The following AMOTL1 variants were observed in gnomAD, a reference collection of about 807,000 sequenced individuals.
The protein encoded by AMOTL1 is angiomotin like 1, also known as angiomotin-like protein 1.
AMOTL1 carries 45 observed loss-of-function variants against 102.9 expected under a neutral mutation model. The observed-to-expected ratio is 0.44, with a 90% CI of 0.34 to 0.56. The LOEUF (loss-of-function observed/expected upper bound fraction) is 0.56. AMOTL1 is among the 20% of genes least tolerant of loss of function. The pLI is 0.01. For missense variants in AMOTL1, 1,114 were observed against 1,225.6 expected, an observed-to-expected ratio of 0.91 and a Z score of 1.36; for synonymous variants, 481 against 484.7, an observed-to-expected ratio of 0.99 and a Z score of 0.10.
intron 5 of AMOTL1, 120 bp downstream of exon 5, chr11:94,830,314 T>C (rs1411561395): frequency 7.4e-5 from 70 of 941,020 alleles, no homozygotes; most frequent in Non-Finnish European, 9.6e-5. Context: ...TTGGATAATC[T>C]TGTGTATTTC....
At chr11:94,806,235 A>G (rs1565360186) in intron 3 of AMOTL1, among the ~76,000 whole-genome samples, 1 of 152,368 alleles carries the variant, frequency 6.6e-6, no homozygotes, top group South Asian at 2.1e-4. Context: ...CAGTCTAAAC[A>G]TGAACAAGCA....
intron 1 of AMOTL1, among the ~76,000 whole-genome samples, chr11:94,793,261 G>A (rs558987832): frequency 1.0e-3 from 159 of 152,252 alleles, no homozygotes; most frequent in Non-Finnish European, 1.6e-3. Flanking sequence ...AAGCATATGG[G>A]CTCTCAACTC....
chr11:94,825,941 C>G (rs188632918), intron 4 of AMOTL1, among the ~76,000 whole-genome samples: 1 of 152,308 alleles, frequency 6.6e-6, no homozygotes, highest in African/African-American at 2.4e-5. Context: ...AATGGGTATA[C>G]TACACTTCTG....
intron 3 of AMOTL1, among the ~76,000 whole-genome samples, chr11:94,803,837 T>TA (rs921819615): frequency 6.6e-6 from 1 of 152,218 alleles, no homozygotes; most frequent in African/African-American, 2.4e-5. Flanking sequence ...CTAGAGATGC[T>TA]AAAAAAATTA....
At chr11:94,811,797 G>A (rs747258118) in intron 3 of AMOTL1, among the ~76,000 whole-genome samples, 2 of 152,190 alleles carry the variant, frequency 1.3e-5, no homozygotes, top group African/African-American at 4.8e-5. Flanking sequence ...CCAGCTGGTT[G>A]TTAAGTTTAG....
At chr11:94,727,651 C>A (rs1486533050) in intron 1 of AMOTL1, among the ~76,000 whole-genome samples, 1 of 152,174 alleles carries the variant, frequency 6.6e-6, no homozygotes, top group Admixed American at 6.5e-5. Flanking sequence ...TGCCCAAAGT[C>A]ATCCAGTTAG....
In AMOTL1 at chr11:94,870,839, G is replaced by A; in HGVS notation, c.*44G>A. 6.7e-7 allele frequency: 1 copy of A among 1,485,928 alleles called. No individual in the cohort carries two copies. The highest frequency in any genetic ancestry group is 9.1e-7 in the Non-Finnish European group (1 of 1,095,220). 92.0% of individuals were successfully genotyped at this position (1,485,928 alleles called of 1,614,324 possible). On this transcript the variant is annotated 3_prime_UTR_variant, in exon 13 of 13. Coordinates refer to ENST00000433060, the MANE Select transcript of AMOTL1 (RefSeq NM_130847.3). ...TTCAGTACAGAACACTGACAAACAA[G>A]GAAAGCGGCAGAGAAAGAAGAAAGA... is the stretch of plus-strand genomic sequence containing the variant.
chr11:94,739,078 C>T (rs975549154), intron 2 of AMOTL1, among the ~76,000 whole-genome samples: 2 of 152,106 alleles, frequency 1.3e-5, no homozygotes, highest in Non-Finnish European at 2.9e-5. Context: ...TGAGGTAGAA[C>T]AACCAGAGGA....
At chr11:94,719,977 A>T (rs534151801) in intron 1 of AMOTL1, among the ~76,000 whole-genome samples, 2 of 152,176 alleles carry the variant, frequency 1.3e-5, no homozygotes, top group East Asian at 3.9e-4. Context: ...CATATTTTAG[A>T]AGTTTCCCAG....
intron 1 of AMOTL1, among the ~76,000 whole-genome samples, chr11:94,784,669 A>G (rs1366436568): frequency 6.6e-6 from 1 of 152,172 alleles, no homozygotes; most frequent in Non-Finnish European, 1.5e-5. Flanking sequence ...TGTACTTAAA[A>G]TGTGATTTAT....
At chr11:94,778,762 G>A (rs1021255826) in intron 1 of AMOTL1, among the ~76,000 whole-genome samples, 2 of 152,208 alleles carry the variant, frequency 1.3e-5, no homozygotes, top group African/African-American at 4.8e-5. Context: ...AAGACTGAGA[G>A]CGCATGAGTG....
chr11:94,732,729 C>T (rs556954900), intron 2 of AMOTL1, among the ~76,000 whole-genome samples: 1 of 152,298 alleles, frequency 6.6e-6, no homozygotes, highest in African/African-American at 2.4e-5. Flanking sequence ...TGTGCTCACT[C>T]AGCTGTTTGG....
intron 6 of AMOTL1, 122 bp from the exon 7 acceptor site, chr11:94,849,992 A>C: frequency 7.0e-6 from 8 of 1,142,782 alleles, no homozygotes; most frequent in Non-Finnish European, 9.7e-6. Flanking sequence ...AGAAACAGCA[A>C]TTCAGTCCTC....
At chr11:94,764,885 T>G (rs1950836790), upstream of AMOTL1, among the ~76,000 whole-genome samples, 3 of 152,228 alleles carry the variant, frequency 2.0e-5, no homozygotes, top group Admixed American at 2.0e-4. Context: ...GCAATAAGTT[T>G]ATGAGGCAAA....
At chr11:94,740,702 G>A (rs1355529769) in intron 2 of AMOTL1, among the ~76,000 whole-genome samples, 3 of 152,090 alleles carry the variant, frequency 2.0e-5, no homozygotes, top group African/African-American at 7.2e-5. Context: ...GCGCCTGACC[G>A]CGCCTGGAAG....
intron 3 of AMOTL1, among the ~76,000 whole-genome samples, chr11:94,748,171 A>G (rs1191555426): frequency 6.6e-6 from 1 of 152,228 alleles, no homozygotes; most frequent in African/African-American, 2.4e-5. Flanking sequence ...CTTAAACAAT[A>G]TGTAAGTTTA....
At chr11:94,709,924 A>G (rs1484734555) in intron 1 of AMOTL1, among the ~76,000 whole-genome samples, 1 of 152,202 alleles carries the variant, frequency 6.6e-6, no homozygotes, top group East Asian at 1.9e-4. Context: ...TTGTCCTTGC[A>G]TATTTCCTGG....
chr11:94,794,460 C>T (rs1951331540), intron 1 of AMOTL1, among the ~76,000 whole-genome samples: 1 of 152,196 alleles, frequency 6.6e-6, no homozygotes, highest in Non-Finnish European at 1.5e-5. Flanking sequence ...GGCAGAAGAC[C>T]AGACCCCATT....
In AMOTL1 at chr11:94,865,960, CA is replaced by C; in HGVS notation, c.2284del (p.Ile762SerfsTer2). Reference protein sequence around the residue: ...MEYTIKNLHAKIIEKDAMIKV... With the variant: ...MEYTIKNLHAXIIEKDAMIKV... Reference sequence around the variant, plus strand: ...TTTACAGTATTAAAAATCTCCATGCCAAAATCATAGAGAAAGATGCTATGAT... The same window carrying C: ...TTTACAGTATTAAAAATCTCCATGCCAAATCATAGAGAAAGATGCTATGAT... On this transcript the variant is annotated frameshift_variant, in exon 11 of 13. Transcript: ENST00000433060. LOFTEE classifies it high-confidence loss of function. 6.2e-7 allele frequency: 1 copy of C among 1,613,532 alleles called. No homozygotes were observed. Among genetic ancestry groups the C allele is most frequent in the Non-Finnish European group, 8.5e-7 (1 of 1,179,758 alleles).
Sources: gnomAD v4.1 joint callset for allele counts (sites outside exome capture counted in the v4.1 genomes callset) on GRCh38, gnomAD v4.1.1 for gene constraint, MANE v1.5 for transcripts, NCBI Gene and HGNC (gene_info 2026-07-23, HGNC 2026-07-21) for gene names.